Variants in TTN observed in about 807,000 individuals in gnomAD.
TTN encodes the protein titin, also known as connectin.
Under a neutral mutation model 3,223.0 loss-of-function variants are expected in TTN, and 1,525 were observed. The observed-to-expected ratio is 0.47, with a 90% CI of 0.45 to 0.49. TTN has a LOEUF of 0.49. Among genes scored for constraint, TTN ranks in the 20% least tolerant of loss-of-function variants. TTN has a pLI of 0.00. For missense variants in TTN, 40,786 were observed against 43,424.0 expected (o/e 0.94, Z 5.40); for synonymous variants, 14,094 against 15,161.0 (o/e 0.93, Z 5.17).
chr2:178,570,622 A>C lies in TTN; in HGVS notation c.75510T>G (p.Ser25170Arg), dbSNP rs775835843. ...IKSTDFATSL[S>R]VKDAVRVDSG... is the part of the protein sequence containing the mutation. The stretch of plus-strand genomic sequence containing the variant: ...TGTCGACACGTACTGCATCTTTTAC[A>C]CTGAGACTGGTGGCAAAGTCGGTGC... Residue 25170 changes from serine (S) to arginine (R), a missense_variant, in exon 326 of 363, where the codon AGT becomes AGG. Physicochemically the swap from Ser to Arg is moderately radical, Grantham distance 110. Coordinates refer to ENST00000589042, the MANE Select transcript of TTN (RefSeq NM_001267550.2). The C allele has an allele frequency of 6.2e-7, 1 of 1,613,430 alleles. No individual in the cohort carries two copies. The highest frequency in any genetic ancestry group is 8.5e-7 in the Non-Finnish European group (1 of 1,179,624).
Position 178,634,371 on chromosome 2 carries a change from A to G in TTN, c.42410T>C (p.Val14137Ala). The change falls in exon 230 of 363, where the codon GTC becomes GCC. Residue 14137 changes from valine (V) to alanine (A), a missense_variant. Transcript: ENST00000589042. This position sits in a 1 kb window ranked among gnomAD's most constrained non-coding sequence, Gnocchi z 4.6. Reference protein sequence around the residue: ...EGKKTSARLFVTGIRLKFMSP... With the variant: ...EGKKTSARLFATGIRLKFMSP... ...GATCTCATTAGCTCGCTTACCTGTG[A>G]CAAACAACCGAGCTGAGGTCTTCTT... is the stretch of plus-strand genomic sequence containing the variant. The G allele has an allele frequency of 6.2e-7, 1 of 1,603,386 alleles. No homozygotes were observed. The highest frequency in any genetic ancestry group is 1.1e-5 in the South Asian group (1 of 88,646).
Position 178,589,560 on chromosome 2 carries a change from C to G in TTN, c.62165G>C (p.Ser20722Thr), listed in dbSNP as rs568728579. ...AACCATGTAGTGAGTTTCTTTAATG[C>G]TTCCTTTATGCACTCTTTCCCAGTC... is the stretch of plus-strand genomic sequence containing the variant. ...SDDWERVHKG[S>T]IKETHYMVDR... The change falls in exon 304 of 363, where the codon AGC becomes ACC. Residue 20722 changes from serine to threonine, a missense_variant. By Grantham distance (58) the Ser-to-Thr change is moderately conservative. Coordinates refer to ENST00000589042, the MANE Select transcript of TTN (RefSeq NM_001267550.2). The G allele has an allele frequency of 6.2e-7, 1 of 1,613,256 alleles. No individual in the cohort carries two copies. The highest frequency in any genetic ancestry group is 1.1e-5 in the South Asian group (1 of 91,054).
chr2:178,751,949 G>T (rs1223586430), intron 47 of TTN: 2 of 1,588,020 alleles, frequency 1.3e-6, no homozygotes, highest in Non-Finnish European at 8.5e-7. Flanking sequence ...TCTTTTAGCA[G>T]CCATGGATTT....
Position 178,580,331 on chromosome 2 carries a change from T to G in TTN, c.67048A>C (p.Lys22350Gln), listed in dbSNP as rs1370592733. The G allele has an allele frequency of 3.7e-6, 6 of 1,612,478 alleles. No homozygotes were observed. The highest frequency in any genetic ancestry group is 5.1e-6 in the Non-Finnish European group (6 of 1,179,310). Residue 22350 changes from lysine to glutamine, a missense_variant, in exon 317 of 363, where the codon AAA becomes CAA. Physicochemically the swap from Lys to Gln is moderately conservative, Grantham distance 53. Coordinates refer to ENST00000589042, the MANE Select transcript of TTN (RefSeq NM_001267550.2). ...TTTGAAATAGACTTACCAAGCACTT[T>G]CACAACAATGGTATATTCCTTTTTA... The part of the protein sequence containing the change: ...CGKKEYTIVV[K>Q]VLDTPGPPVN...
rs369937083 is a variant in TTN, at chr2:178,740,213, C to A, written c.13020G>T (p.Leu4340=). ...FPLALEEKQV[L]LKEEHSDNVV... is the part of the protein sequence containing the mutation. Reference sequence around the variant, plus strand: ...CGTTGTCAGAATGCTCTTCTTTGAGCAGTACCTGCTTTTCTTCAAGTGCTA... The same window carrying A: ...CGTTGTCAGAATGCTCTTCTTTGAGAAGTACCTGCTTTTCTTCAAGTGCTA... The change falls in exon 48 of 363, where the codon CTG becomes CTT. Residue 4340 remains leucine, a synonymous_variant. Coordinates refer to ENST00000589042, the MANE Select transcript of TTN (RefSeq NM_001267550.2). 1.7e-4 allele frequency: 268 copies of A among 1,613,504 alleles called. No individual in the cohort carries two copies. Among genetic ancestry groups the A allele is most frequent in the Non-Finnish European group, 2.2e-4 (265 of 1,179,776 alleles).
In TTN at chr2:178,611,192, T is replaced by G; in HGVS notation, c.50937A>C (p.Arg16979Ser). Residue 16979 changes from arginine (R) to serine (S), a missense_variant, in exon 270 of 363, where the codon AGA becomes AGC. Physicochemically the swap from Arg to Ser is moderately radical, Grantham distance 110 (BLOSUM62 -1). Transcript: ENST00000589042. ...AACTAACAGTTGGAACTGGGACAGC[T>G]CTGAAGGGAACAGGAATGCTTAACT... ...GEKLSIPVPF[R>S]AVPVPTVSWH... 6.2e-7 allele frequency: 1 copy of G among 1,612,796 alleles called. No homozygotes were observed.
intron 217 of TTN, among the ~76,000 whole-genome samples, chr2:178,645,368 A>G (rs2061769743): frequency 6.6e-6 from 1 of 151,858 alleles, no homozygotes; most frequent in Non-Finnish European, 1.5e-5. Flanking sequence ...AGTTGCAAGA[A>G]AAAAAAAGAG....
At chr2:178,707,351 A>G (rs1298176355) in intron 100 of TTN, among the ~76,000 whole-genome samples, 175 bp downstream of exon 100, 1 of 152,230 alleles carries the variant, frequency 6.6e-6, no homozygotes, top group Admixed American at 6.5e-5. Flanking sequence ...TTGTATTGAC[A>G]TTATTTCTGT....
In TTN at chr2:178,581,832, T is replaced by C; in HGVS notation, c.66464-28A>G. ...GAGAATAAATAATGATAGGAAATTT[T>C]CATGAAAACTTCCTTCCTGGGTGTT... On this transcript the variant is annotated intron_variant, in intron 315 of 362. Coordinates refer to ENST00000589042, the MANE Select transcript of TTN (RefSeq NM_001267550.2). 6 of 1,596,008 alleles carry C rather than the reference T, an allele frequency of 3.8e-6. No individual in the cohort carries two copies. The African/African-American group carries it at 8.1e-5, about 22-fold the overall frequency.
chr2:178,652,617 A>T (rs781552283), intron 201 of TTN, 36 bp downstream of exon 201: 12 of 1,611,098 alleles, frequency 7.4e-6, no homozygotes, highest in Non-Finnish European at 1.0e-5. Context: ...AGTAGAAGAG[A>T]TAGATCTTCT....
rs372289753 is a variant in TTN at position 178,775,523 on chromosome 2, T to C, written c.6341A>G (p.Asn2114Ser). 2.5e-6 allele frequency: 4 copies of C among 1,613,888 alleles called. No homozygotes were observed. The highest frequency in any genetic ancestry group is 2.5e-6 in the Non-Finnish European group (3 of 1,179,998). Residue 2114 changes from asparagine (N) to serine (S), a missense_variant, in exon 28 of 363, where the codon AAT becomes AGT. Physicochemically the swap from Asn to Ser is conservative, Grantham distance 46 (BLOSUM62 1). Transcript: ENST00000589042. ...GTCAGACCGTTCAATTTTGACACCA[T>C]TTTTGTACCATTCACATTCGGGGTC... ...KPDPECEWYK[N>S]GVKIERSDRI...
At chr2:178,749,106 T>C in intron 47 of TTN, 1 of 1,612,926 alleles carries the variant, frequency 6.2e-7, no homozygotes, top group South Asian at 1.1e-5. Flanking sequence ...TCTTTTGTAT[T>C]GTAACTGTCA....
Position 178,538,552 on chromosome 2 carries a change from T to A in TTN, c.99277A>T (p.Thr33093Ser), listed in dbSNP as rs748796464. 5 of 1,610,688 alleles carry A rather than the reference T, an allele frequency of 3.1e-6. No homozygotes were observed. In the East Asian group the frequency reaches 1.1e-4, roughly 36 times the overall value. ...AAAGGCTACTTACATGTGAGTTTAG[T>A]CTTTATAGACATAGCAGTTCTGCGA... ...RPRRTAMSIK[T>S]KLTSGEAPGI... is the part of the protein sequence containing the mutation. Residue 33093 changes from threonine to serine, a missense_variant, in exon 354 of 363, where the codon ACT becomes TCT. Thr to Ser is a moderately conservative substitution (Grantham distance 58). Coordinates refer to ENST00000589042, the MANE Select transcript of TTN (RefSeq NM_001267550.2).
Position 178,534,456 on chromosome 2 carries a change from C to T in TTN, c.102159G>A (p.Leu34053=). 2.5e-6 allele frequency: 4 copies of T among 1,613,332 alleles called. No homozygotes were observed. Among genetic ancestry groups the T allele is most frequent in the Non-Finnish European group, 3.4e-6 (4 of 1,179,814 alleles). ...SIEAMDFVDR[L]LVKERKSRMT... ...TGCGAGATTTCCTCTCTTTCACTAA[C>T]AACCGGTCAACAAAATCCATGGCTT... The change falls in exon 358 of 363, where the codon TTG becomes TTA. Residue 34053 remains leucine (L), a synonymous_variant. Transcript: ENST00000589042.
At chr2:178,692,643 GACTT>G (rs2154280483) in intron 119 of TTN, 63 bp from the exon 120 acceptor site, 1 of 1,249,502 alleles carries the variant, frequency 8.0e-7, no homozygotes, top group South Asian at 1.8e-5. Context: ...GTTGTTGTAA[GACTT>G]AGAATTAAAT....
Position 178,635,432 on chromosome 2 carries a change from T to A in TTN, c.41884+8A>T, listed in dbSNP as rs2060322472. 1.9e-6 allele frequency: 3 copies of A among 1,605,150 alleles called. No individual in the cohort carries two copies. The African/African-American group carries it at 4.0e-5, about 22-fold the overall frequency. On this transcript the variant is annotated splice_region_variant and intron_variant, in intron 227 of 362. Transcript: ENST00000589042. ...CTTATAATTTGAATAAAAGGTAAGA[T>A]TTTATACCTCCAAGTGTCAGCTTTG...
At position 178,741,397 on chromosome 2, in the gene TTN, G is replaced by A. The variant is rs970485392; in HGVS notation, c.11836C>T (p.Pro3946Ser). 4.3e-6 allele frequency: 7 copies of A among 1,613,756 alleles called. No individual in the cohort carries two copies. The African/African-American group carries it at 8.0e-5, about 18-fold the overall frequency. ...GGAAGCCCTTGAGCACAGCGAATTG[G>A]TTTTAACTCCTTAAGGAAGTGAGGA... ...CPPHFLKELK[P>S]IRCAQGLPAI... The change falls in exon 48 of 363, where the codon CCA becomes TCA. Residue 3946 changes from proline to serine, a missense_variant. Pro to Ser is a moderately conservative substitution (Grantham distance 74, BLOSUM62 -1). Coordinates refer to ENST00000589042, the MANE Select transcript of TTN (RefSeq NM_001267550.2).
intron 47 of TTN, chr2:178,745,051 G>A (rs555340006): frequency 1.0e-6 from 1 of 986,970 alleles, no homozygotes; most frequent in East Asian, 1.1e-4. Flanking sequence ...GTTGCCAATT[G>A]GGAGAAGCTG....
chr2:178,548,494 A>G lies in TTN; in HGVS notation c.93132T>C (p.Gly31044=). The change falls in exon 339 of 363, where the codon GGT becomes GGC. Residue 31044 remains glycine, a synonymous_variant. Transcript: ENST00000589042. This position sits in a 1 kb window ranked among gnomAD's most constrained non-coding sequence, Gnocchi z 4.3. ...TLMWDAPLLD[G]GARIHHYVVE... is the part of the protein sequence containing the mutation. ...CCACATAATGATGGATTCGGGCACC[A>G]CCGTCAAGAAGAGGGGCATCCCACA... 1.2e-6 allele frequency: 2 copies of G among 1,613,864 alleles called. No individual in the cohort carries two copies. Among genetic ancestry groups the G allele is most frequent in the South Asian group, 1.1e-5 (1 of 91,082 alleles).
Sources: gnomAD v4.1 joint callset for allele counts (sites outside exome capture counted in the v4.1 genomes callset) on GRCh38, gnomAD v4.1.1 for gene constraint, Gnocchi (gnomAD v3.1) non-coding constraint, MANE v1.5 for transcripts, NCBI Gene and HGNC (gene_info 2026-07-23, HGNC 2026-07-21) for gene names.